Variants in KIT observed in about 807,000 individuals in gnomAD.
KIT encodes KIT proto-oncogene, receptor tyrosine kinase.
In KIT, 16 loss-of-function variants were observed where a neutral mutation model predicts 105.7. That is an observed-to-expected ratio of 0.15 (90% CI 0.10 to 0.23). The LOEUF (loss-of-function observed/expected upper bound fraction) is 0.23, where lower values mean the gene tolerates loss of function less well. Among genes scored for constraint, KIT ranks in the 10% least tolerant of loss-of-function variants. The pLI is 1.00. For missense variants in KIT, 858 were observed against 1,213.8 expected (o/e 0.71, Z 4.36); for synonymous variants, 438 against 441.1 (o/e 0.99, Z 0.09).
At chr4:54,687,935 C>T (rs1160096067) in intron 1 of KIT, among the ~76,000 whole-genome samples, 1 of 152,156 alleles carries the variant, frequency 6.6e-6, no homozygotes, top group Non-Finnish European at 1.5e-5. Context: ...CCATGAGCAT[C>T]TAGTTCTGGT....
rs780349712 is a variant in KIT at position 54,695,601 on chromosome 4, G to A, written c.157G>A (p.Glu53Lys). The change falls in exon 2 of 21, where the codon GAG becomes AAG. Residue 53 changes from glutamate (E) to lysine (K), a missense_variant. Physicochemically the swap from Glu to Lys is moderately conservative, Grantham distance 56. This residue lies in a region of KIT where 401 missense variants were observed against 601.0 expected (regional missense o/e 0.67). Coordinates refer to ENST00000288135, the MANE Select transcript of KIT (RefSeq NM_000222.3). ...AGACTTAATAGTCCGCGTGGGCGACGAGATTAGGCTGTTATGCACTGATCC... is the reference window on the plus strand; with the variant it reads ...AGACTTAATAGTCCGCGTGGGCGACAAGATTAGGCTGTTATGCACTGATCC... ...KSDLIVRVGD[E>K]IRLLCTDPGF... The A allele has an allele frequency of 2.5e-6, 4 of 1,614,016 alleles. No homozygotes were observed. The highest frequency in any genetic ancestry group is 2.7e-5 in the African/African-American group (2 of 74,916).
rs202052259 is a variant in KIT at position 54,703,877 on chromosome 4, A to G, written c.910A>G (p.Thr304Ala). ...NTFGSANVTT[T>A]LEVVDKGFIN... is the part of the protein sequence containing the mutation. The stretch of plus-strand genomic sequence containing the variant: ...TTTTGGATCAGCAAATGTCACAACA[A>G]CCTTGGAAGTAGTAGGTAAATACCT... Residue 304 changes from threonine (T) to alanine (A), a missense_variant, in exon 5 of 21, where the codon ACC becomes GCC. Thr to Ala is a moderately conservative substitution (Grantham distance 58, BLOSUM62 0). Around this residue, in one of 7 missense-constraint regions of KIT, gnomAD observed 401 missense variants for 601.0 expected, o/e 0.67. Coordinates refer to ENST00000288135, the MANE Select transcript of KIT (RefSeq NM_000222.3). 219 of 1,613,514 alleles carry G rather than the reference A, an allele frequency of 1.4e-4. No individual in the cohort carries two copies. The East Asian group carries it at 4.7e-3, about 35-fold the overall frequency.
intron 1 of KIT, among the ~76,000 whole-genome samples, chr4:54,691,479 A>G (rs1719702169): frequency 6.6e-6 from 1 of 152,126 alleles, no homozygotes; most frequent in Admixed American, 6.5e-5. Flanking sequence ...GATGTGTCCC[A>G]GGGACACAGG....
intron 1 of KIT, among the ~76,000 whole-genome samples, chr4:54,661,595 T>A (rs1358665897): frequency 6.6e-6 from 1 of 152,240 alleles, no homozygotes; most frequent in Non-Finnish European, 1.5e-5. Context: ...CAGGCTAGGA[T>A]GTGGGAAATG....
At chr4:54,686,948 G>A (rs889436674) in intron 1 of KIT, among the ~76,000 whole-genome samples, 1 of 152,154 alleles carries the variant, frequency 6.6e-6, no homozygotes, top group African/African-American at 2.4e-5. Flanking sequence ...GATCCGTCCA[G>A]GCATATTCTC....
chr4:54,679,486 A>G (rs1156863684), intron 1 of KIT, among the ~76,000 whole-genome samples: 1 of 152,142 alleles, frequency 6.6e-6, no homozygotes, highest in African/African-American at 2.4e-5. Context: ...ATAAAGTGAC[A>G]TTTTTGAAAG....
rs373066995 is a variant in KIT, at chr4:54,695,720, C to T, written c.276C>T (p.Thr92=). ...WITEKAEATN[T]GKYTCTNKHG... The stretch of plus-strand genomic sequence containing the variant: ...CGGAAAAGGCAGAAGCCACCAACAC[C>T]GGCAAATACACGTGCACCAACAAAC... Residue 92 remains threonine (T), a synonymous_variant, in exon 2 of 21, where the codon ACC becomes ACT. Transcript: ENST00000288135. The T allele has an allele frequency of 6.2e-6, 10 of 1,614,112 alleles. No individual in the cohort carries two copies. Among genetic ancestry groups the T allele is most frequent in the Admixed American group, 3.3e-5 (2 of 60,000 alleles).
At chr4:54,728,494 G>T (rs1489502832) in intron 13 of KIT, among the ~76,000 whole-genome samples, 1 of 152,102 alleles carries the variant, frequency 6.6e-6, no homozygotes, top group Non-Finnish European at 1.5e-5. Flanking sequence ...TAAAACAGGC[G>T]CCTAAGCCTA....
At chr4:54,727,073 C>G (rs999832716) in intron 9 of KIT, 145 bp from the exon 10 acceptor site, 2 of 748,894 alleles carry the variant, frequency 2.7e-6, no homozygotes, top group Non-Finnish European at 4.9e-6. Context: ...TACAATGTAA[C>G]CAAGGTGAAG....
At chr4:54,733,888 C>G (rs2109804182) in intron 17 of KIT, among the ~76,000 whole-genome samples, 1 of 152,252 alleles carries the variant, frequency 6.6e-6, no homozygotes, top group South Asian at 2.1e-4. Context: ...CCATGGAAAA[C>G]CATATTGCCC....
In KIT at chr4:54,738,616, T is replaced by C; in HGVS notation, c.*59T>C. On this transcript the variant is annotated 3_prime_UTR_variant, in exon 21 of 21. Transcript: ENST00000288135. ...TGATCTCTTCTTTTGGCTTCCATGA[T>C]GGTTATTTTCTTTTCTTTCAACTTG... The C allele has an allele frequency of 6.2e-7, 1 of 1,602,706 alleles. No homozygotes were observed. The highest frequency in any genetic ancestry group is 8.5e-7 in the Non-Finnish European group (1 of 1,174,852).
intron 1 of KIT, among the ~76,000 whole-genome samples, chr4:54,674,377 A>G (rs927950665): frequency 6.6e-6 from 1 of 152,146 alleles, no homozygotes; most frequent in African/African-American, 2.4e-5. Context: ...GTCTACTCTC[A>G]GGATGACCCT....
chr4:54,682,479 A>G (rs1030785967), intron 1 of KIT, among the ~76,000 whole-genome samples: 8 of 151,214 alleles, frequency 5.3e-5, no homozygotes, highest in Admixed American at 5.3e-4. Context: ...CCCAGGCTAG[A>G]GTGAAGTGGC....
intron 1 of KIT, among the ~76,000 whole-genome samples, chr4:54,694,637 C>A (rs1050867325): frequency 1.3e-5 from 2 of 152,184 alleles, no homozygotes; most frequent in African/African-American, 4.8e-5. Flanking sequence ...ACCTCAGCCT[C>A]CCAGAGTGCT....
intron 4 of KIT, among the ~76,000 whole-genome samples, chr4:54,702,349 A>G (rs942111052): frequency 3.3e-5 from 5 of 152,092 alleles, no homozygotes; most frequent in Non-Finnish European, 5.9e-5. Flanking sequence ...TTCATAATGT[A>G]ATTAACATAA....
chr4:54,732,963 T>A lies in KIT; in HGVS notation c.2362-107T>A, dbSNP rs11935331. On this transcript the variant is annotated intron_variant, in intron 16 of 20. Transcript: ENST00000288135. The stretch of plus-strand genomic sequence containing the variant: ...ACTGAATACTTTAAAACAAAAGTAT[T>A]GGATTTTTTATAATATAAGCAACAC... The A allele has an allele frequency of 0.12, 110,458 of 934,254 alleles. 10,171 individuals carry two copies. Among genetic ancestry groups the A allele is most frequent in the African/African-American group, 0.43 (25,811 of 59,478 alleles). 57.9% of individuals were successfully genotyped at this position (934,254 alleles called of 1,614,324 possible).
chr4:54,723,742 G>T, intron 8 of KIT, 44 bp downstream of exon 8: 1 of 1,057,694 alleles, frequency 9.5e-7, no homozygotes, highest in Non-Finnish European at 1.5e-6. Flanking sequence ...CAGAGGGGAA[G>T]GACTGCAATT....
In KIT at chr4:54,698,392, A is replaced by G. The variant is rs1237279460; in HGVS notation, c.446A>G (p.Lys149Arg). The G allele has an allele frequency of 6.2e-7, 1 of 1,614,144 alleles. No homozygotes were observed. The highest frequency in any genetic ancestry group is 8.5e-7 in the Non-Finnish European group (1 of 1,180,018). ...TDPEVTNYSL[K>R]GCQGKPLPKD... Reference sequence around the variant, plus strand: ...CCAGAAGTGACCAATTATTCCCTCAAGGGGTGCCAGGGGAAGCCTCTTCCC... The same window carrying G: ...CCAGAAGTGACCAATTATTCCCTCAGGGGGTGCCAGGGGAAGCCTCTTCCC... Residue 149 changes from lysine (K) to arginine (R), a missense_variant, in exon 3 of 21, where the codon AAG becomes AGG. By Grantham distance (26) the Lys-to-Arg change is conservative. This residue lies in a region of KIT where 401 missense variants were observed against 601.0 expected (regional missense o/e 0.67). Coordinates refer to ENST00000288135, the MANE Select transcript of KIT (RefSeq NM_000222.3).
intron 1 of KIT, among the ~76,000 whole-genome samples, chr4:54,694,314 G>A (rs756492370): frequency 6.6e-6 from 1 of 152,042 alleles, no homozygotes; most frequent in Admixed American, 6.6e-5. Context: ...TCTTCAGATT[G>A]ACAGTAAACC....
Sources: allele counts gnomAD v4.1 joint callset (sites outside exome capture counted in the v4.1 genomes callset), GRCh38; gene constraint gnomAD v4.1.1; regional missense constraint gnomAD v4.1.1; transcripts MANE v1.5; gene names NCBI Gene and HGNC (gene_info 2026-07-23, HGNC 2026-07-21).